Variants in RGSL1 observed in about 807,000 individuals in gnomAD.
RGSL1 encodes regulator of G protein signaling like 1.
Under a neutral mutation model 124.7 loss-of-function variants are expected in RGSL1, and 97 were observed. The observed-to-expected ratio is 0.78, with a 90% CI of 0.66 to 0.92. RGSL1 has a LOEUF of 0.92. RGSL1 is among the 40% of genes least tolerant of loss of function. The probability of loss-of-function intolerance (pLI) is 0.00; values close to 1 mark genes in which losing one functional copy is unlikely to be tolerated. For missense variants in RGSL1, 1,233 were observed against 1,288.4 expected, an observed-to-expected ratio of 0.96 and a Z score of 0.66; for synonymous variants, 424 against 438.1, an observed-to-expected ratio of 0.97 and a Z score of 0.40.
intron 14 of RGSL1, among the ~76,000 whole-genome samples, chr1:182,538,527 C>CA (rs61393640): frequency 0.1 from 13,930 of 134,222 alleles, 787 homozygotes; most frequent in Non-Finnish European, 0.15. Flanking sequence ...GACTCCCTCT[C>CA]AAAAAAAAAA....
intron 4 of RGSL1, among the ~76,000 whole-genome samples, chr1:182,471,021 G>A (rs1038434004): frequency 1.3e-5 from 2 of 152,208 alleles, no homozygotes; most frequent in Non-Finnish European, 2.9e-5. Context: ...GGTTGAGACT[G>A]CAGAAGGGAA....
At chr1:182,454,728 G>T (rs746533864) in intron 2 of RGSL1, among the ~76,000 whole-genome samples, 5 of 151,932 alleles carry the variant, frequency 3.3e-5, no homozygotes, top group Admixed American at 6.6e-5. Flanking sequence ...CATAGAAATT[G>T]TTGTTGACTG....
chr1:182,467,015 A>G (rs1273153909), intron 4 of RGSL1, among the ~76,000 whole-genome samples: 1 of 152,224 alleles, frequency 6.6e-6, no homozygotes, highest in Non-Finnish European at 1.5e-5. Context: ...TCCCATTCAC[A>G]ATTGCTTCAA....
intron 14 of RGSL1, among the ~76,000 whole-genome samples, chr1:182,536,191 C>T (rs1441268376): frequency 6.6e-6 from 1 of 152,088 alleles, no homozygotes; most frequent in Non-Finnish European, 1.5e-5. Context: ...TTTGTTTATT[C>T]ATTCACCAAT....
rs146800029 is a variant in RGSL1, at chr1:182,470,161, C to T, written c.302-2235C>T. 8.3e-3 allele frequency among the ~76,000 whole-genome samples: 1,268 copies of T among 152,082 alleles called. 62 individuals carry two copies. Among genetic ancestry groups the T allele is most frequent in the Admixed American group, 0.076 (1,159 of 15,252 alleles). On this transcript the variant is annotated intron_variant, in intron 4 of 21. Transcript: ENST00000294854. ...ATTTAAAAATAGTTAAGATGGTAAA[C>T]GTTATGTTATATGTACTCTCCCACA...
intron 14 of RGSL1, among the ~76,000 whole-genome samples, chr1:182,535,298 G>T (rs1659460021): frequency 6.6e-6 from 1 of 152,076 alleles, no homozygotes; most frequent in Non-Finnish European, 1.5e-5. Context: ...ATAGTTTCCT[G>T]CCTCAAACAA....
chr1:182,547,815 C>T (rs1351154770), intron 15 of RGSL1, among the ~76,000 whole-genome samples: 2 of 151,978 alleles, frequency 1.3e-5, no homozygotes, highest in East Asian at 1.9e-4. Context: ...GAGCCGAGAT[C>T]ACACCACTGC....
intron 4 of RGSL1, among the ~76,000 whole-genome samples, chr1:182,469,018 A>G (rs557145535): frequency 6.6e-6 from 1 of 152,176 alleles, no homozygotes; most frequent in South Asian, 2.1e-4. Context: ...ATGAAAATTA[A>G]CTCAAAATGG....
chr1:182,450,352 C>G (rs1458985929), intron 1 of RGSL1, 174 bp downstream of exon 1: 17 of 720,970 alleles, frequency 2.4e-5, no homozygotes, highest in Non-Finnish European at 3.9e-5. Context: ...CTCCTACCTT[C>G]TGCCACCAGA....
intron 15 of RGSL1, among the ~76,000 whole-genome samples, chr1:182,541,134 G>A (rs10752876): frequency 0.51 from 77,601 of 151,842 alleles, 20,172 homozygotes; most frequent in Non-Finnish European, 0.55. Context: ...TGAAATGTAC[G>A]ATAGATGATT....
At chr1:182,465,953 G>A (rs1308882099) in intron 4 of RGSL1, among the ~76,000 whole-genome samples, 3 of 151,912 alleles carry the variant, frequency 2.0e-5, no homozygotes, top group Admixed American at 1.3e-4. Flanking sequence ...TATATTAAAA[G>A]GATTAAACAC....
chr1:182,518,785 C>A (rs1341580084), intron 9 of RGSL1, among the ~76,000 whole-genome samples: 1 of 152,042 alleles, frequency 6.6e-6, no homozygotes, highest in East Asian at 1.9e-4. Flanking sequence ...TTTCACTTCT[C>A]TGCATCTCTG....
At chr1:182,508,217 C>T (rs143666570) in intron 9 of RGSL1, among the ~76,000 whole-genome samples, 1 of 150,412 alleles carries the variant, frequency 6.6e-6, no homozygotes, top group African/African-American at 2.4e-5. Flanking sequence ...GATAAAAAGC[C>T]ATTTTAACTA....
intron 20 of RGSL1, chr1:182,554,937 C>A: frequency 1.9e-6 from 1 of 521,738 alleles, no homozygotes; most frequent in Non-Finnish European, 3.4e-6. Context: ...ACCCACTTTT[C>A]AGTAGAACAA....
At position 182,527,724 on chromosome 1, in the gene RGSL1, C is replaced by G; in HGVS notation, c.2077C>G (p.Leu693Val). The change falls in exon 11 of 22, where the codon CTC (leucine) becomes GTC (valine). Residue 693 changes from leucine (L) to valine (V), a missense_variant. Transcript: ENST00000294854. The stretch of plus-strand genomic sequence containing the variant: ...GACCAATGAAAAGATTTGCAAGTCT[C>G]TCATAGAAAATGTAATCAAGACTTT... ...IETNEKICKSLIENVIKTFFQ... is the reference protein window; with the variant it reads ...IETNEKICKSVIENVIKTFFQ... The G allele has an allele frequency of 6.4e-7, 1 of 1,551,086 alleles. No homozygotes were observed. Among genetic ancestry groups the G allele is most frequent in the Non-Finnish European group, 8.7e-7 (1 of 1,146,676 alleles).
intron 4 of RGSL1, among the ~76,000 whole-genome samples, chr1:182,467,426 A>G (rs1653433252): frequency 6.6e-6 from 1 of 152,192 alleles, no homozygotes. Context: ...AGAGATATAG[A>G]CCAACGGAAC....
At chr1:182,517,348 G>A (rs558651038) in intron 9 of RGSL1, among the ~76,000 whole-genome samples, 1 of 151,668 alleles carries the variant, frequency 6.6e-6, no homozygotes, top group East Asian at 1.9e-4. Flanking sequence ...AGTCCTTGGG[G>A]TAGTCTTATT....
chr1:182,530,929 G>A lies in RGSL1; in HGVS notation c.2364+19G>A. 6.5e-7 allele frequency: 1 copy of A among 1,542,182 alleles called. No individual in the cohort carries two copies. The highest frequency in any genetic ancestry group is 1.2e-5 in the South Asian group (1 of 82,382). ...ATCCCAGGTTAGTGAAGAAGAAAGT[G>A]AAACAAGACATTAGAGACAAGAAAA... On this transcript the variant is annotated intron_variant, in intron 13 of 21. Coordinates refer to ENST00000294854, the MANE Select transcript of RGSL1 (RefSeq NM_001137669.2).
intron 9 of RGSL1, among the ~76,000 whole-genome samples, chr1:182,501,328 T>C (rs1656367688): frequency 8.0e-6 from 1 of 125,050 alleles, no homozygotes; most frequent in Admixed American, 8.2e-5. Context: ...TTTTTTTTTT[T>C]TTTTTTTTTG....
Sources: allele counts gnomAD v4.1 joint callset (sites outside exome capture counted in the v4.1 genomes callset), GRCh38; gene constraint gnomAD v4.1.1; transcripts MANE v1.5; gene names NCBI Gene and HGNC (gene_info 2026-07-23, HGNC 2026-07-21).